The following PPEF1 variants were observed in gnomAD, a reference collection of about 807,000 sequenced individuals.
PPEF1 encodes the protein serine/threonine-protein phosphatase with EF-hands 1.
A neutral mutation model predicts 53.3 loss-of-function variants in PPEF1; 12 were observed. The ratio of observed to expected loss-of-function variants is 0.23; its 90% CI spans 0.14 to 0.36. The LOEUF (loss-of-function observed/expected upper bound fraction) is 0.36. Ranked by LOEUF, PPEF1 falls within the 10% of genes least tolerant of loss-of-function variation. PPEF1 has a pLI of 1.00. For missense variants in PPEF1, 334 were observed against 490.4 expected (o/e 0.68, Z 3.01); for synonymous variants, 165 against 176.7 (o/e 0.93, Z 0.52).
intron 10 of PPEF1, among the ~76,000 whole-genome samples, chrX:18,790,825 C>T (rs1346049462): frequency 2.7e-5 from 3 of 109,584 alleles, no homozygotes; most frequent in African/African-American, 9.9e-5. Flanking sequence ...CATGCATTAC[C>T]ACGCCTGGCT....
intron 4 of PPEF1, 120 bp downstream of exon 4, chrX:18,750,072 G>A (rs1339733551): frequency 1.5e-6 from 1 of 677,424 alleles, no homozygotes; most frequent in Non-Finnish European, 2.2e-6. Context: ...TTCACATTAA[G>A]TGAGAGCTCC....
chrX:18,740,155 T>C (rs2045112713), intron 3 of PPEF1, among the ~76,000 whole-genome samples: 1 of 111,733 alleles, frequency 8.9e-6, no homozygotes, highest in Non-Finnish European at 1.9e-5. Flanking sequence ...TAAGCCCGAG[T>C]GAGATGAACC....
At chrX:18,700,794 T>G (rs1930058390) in intron 6 of PPEF1, among the ~76,000 whole-genome samples, 2 of 112,285 alleles carry the variant, frequency 1.8e-5, no homozygotes, top group African/African-American at 6.5e-5. Context: ...CACACCTTCA[T>G]ATTTAGAAAT....
At chrX:18,740,400 CCTCT>C (rs914168779) in intron 3 of PPEF1, among the ~76,000 whole-genome samples, 15 of 100,255 alleles carry the variant, frequency 1.5e-4, no homozygotes, top group Non-Finnish European at 2.5e-4. Flanking sequence ...TGTTTTCTGT[CCTCT>C]CTCTCTCTCT....
intron 10 of PPEF1, among the ~76,000 whole-genome samples, chrX:18,793,012 C>A (rs2046351925): frequency 9.1e-6 from 1 of 109,598 alleles, no homozygotes. Context: ...ATGTTCCCTG[C>A]CTCCAGACCT....
At chrX:18,796,252 G>A (rs1391779282) in intron 10 of PPEF1, among the ~76,000 whole-genome samples, 2 of 112,375 alleles carry the variant, frequency 1.8e-5, no homozygotes, top group East Asian at 2.8e-4. Flanking sequence ...CACTGTGCCC[G>A]GCCCCAGAAC....
chrX:18,724,245 T>A (rs1248277290), intron 1 of PPEF1, among the ~76,000 whole-genome samples: 1 of 111,654 alleles, frequency 9.0e-6, no homozygotes, highest in East Asian at 2.8e-4. Flanking sequence ...CCAGTTTCCT[T>A]ATCTGTAAAA....
At chrX:18,824,394 C>T (rs1397181112) in intron 14 of PPEF1, among the ~76,000 whole-genome samples, 3 of 109,496 alleles carry the variant, frequency 2.7e-5, no homozygotes, top group African/African-American at 9.9e-5. Context: ...GAGCCAGGAT[C>T]GCACCATTGC....
chrX:18,707,408 A>G (rs1569244059), upstream of PPEF1, among the ~76,000 whole-genome samples: 1 of 112,354 alleles, frequency 8.9e-6, no homozygotes, highest in Non-Finnish European at 1.9e-5. Flanking sequence ...TCTATTTTAT[A>G]CAGAGCTGGA....
chrX:18,759,006 A>G (rs1380105262), intron 5 of PPEF1, among the ~76,000 whole-genome samples: 1 of 111,381 alleles, frequency 9.0e-6, no homozygotes, highest in Non-Finnish European at 1.9e-5. Context: ...CAGGATCAGA[A>G]TTAAAATCAG....
chrX:18,777,686 A>AT (rs1165072959), intron 6 of PPEF1, among the ~76,000 whole-genome samples: 92 of 100,403 alleles, frequency 9.2e-4, no homozygotes, highest in African/African-American at 1.7e-3. Flanking sequence ...CGCCCGGAGA[A>AT]TTTTTTTTTT....
At chrX:18,772,854 G>A (rs2045895956) in intron 6 of PPEF1, among the ~76,000 whole-genome samples, 1 of 112,492 alleles carries the variant, frequency 8.9e-6, no homozygotes. Flanking sequence ...TGTAGACACA[G>A]CATTTCAATT....
upstream of PPEF1, among the ~76,000 whole-genome samples, chrX:18,704,242 C>T (rs2044149501): frequency 9.0e-6 from 1 of 111,384 alleles, no homozygotes; most frequent in South Asian, 3.8e-4. Context: ...CTTATGTCTT[C>T]ATAAAAAGGG....
chrX:18,739,870 A>G (rs960390227), intron 3 of PPEF1, among the ~76,000 whole-genome samples: 4 of 112,230 alleles, frequency 3.6e-5, no homozygotes, highest in Non-Finnish European at 7.5e-5. Context: ...GCTGCCTTGC[A>G]GTTCAATCTT....
rs866239697 is a variant in PPEF1 at position 18,797,700 on chromosome X, T to A, written c.1066-6192T>A. Among the ~76,000 whole-genome samples the A allele has an allele frequency of 5.2e-4, 58 of 110,867 alleles. 1 individual carries two copies. Among genetic ancestry groups the A allele is most frequent in the African/African-American group, 1.7e-3 (53 of 30,575 alleles). On this transcript the variant is annotated intron_variant, in intron 10 of 15. Coordinates refer to ENST00000470157, the MANE Select transcript of PPEF1 (RefSeq NM_001377996.1). ...TGATATCTTAAGTGATATGTTCTTT[T>A]TTATTATTATTATTATTTTTAGACG... is the stretch of plus-strand genomic sequence containing the variant.
chrX:18,822,578 G>A lies in PPEF1; in HGVS notation c.1502-1345G>A, dbSNP rs762625818. Among the ~76,000 whole-genome samples the A allele has an allele frequency of 1.3e-4, 14 of 108,801 alleles. No individual in the cohort carries two copies. In the South Asian group the frequency reaches 4.5e-3, roughly 35 times the overall value. 94.5% of individuals were successfully genotyped at this position (108,801 alleles called of 115,157 possible). ...GGCTGGAGTGCAGTGGCACGATCTTGGTTCACTGCAAGCTCTGCCTCCTGG... is the reference window on the plus strand; with the variant it reads ...GGCTGGAGTGCAGTGGCACGATCTTAGTTCACTGCAAGCTCTGCCTCCTGG... On this transcript the variant is annotated intron_variant, in intron 13 of 15. Coordinates refer to ENST00000470157, the MANE Select transcript of PPEF1 (RefSeq NM_001377996.1).
chrX:18,765,151 G>A (rs2045741238), intron 6 of PPEF1, among the ~76,000 whole-genome samples: 1 of 112,092 alleles, frequency 8.9e-6, no homozygotes, highest in South Asian at 3.7e-4. Context: ...TTATATTTAG[G>A]ATGGATTTGG....
At chrX:18,689,898 C>T (rs1441033661) in intron 3 of PPEF1, among the ~76,000 whole-genome samples, 1 of 111,133 alleles carries the variant, frequency 9.0e-6, no homozygotes, top group Non-Finnish European at 1.9e-5. Context: ...CGAGCCTTAG[C>T]TCAACTGTAT....
At chrX:18,733,720 T>C (rs762797472) in intron 2 of PPEF1, 28 bp from the exon 3 acceptor site, 38 of 1,135,602 alleles carry the variant, frequency 3.3e-5, no homozygotes, top group African/African-American at 5.4e-5. Flanking sequence ...GGTTCACTAA[T>C]TGATTAATTT....
Sources: gnomAD v4.1 joint callset for allele counts (sites outside exome capture counted in the v4.1 genomes callset) on GRCh38, gnomAD v4.1.1 for gene constraint, MANE v1.5 for transcripts, NCBI Gene and HGNC (gene_info 2026-07-23, HGNC 2026-07-21) for gene names.